The following DOCK3 variants were observed in gnomAD, a reference collection of about 807,000 sequenced individuals.
DOCK3 encodes the protein dedicator of cytokinesis protein 3.
A neutral mutation model predicts 265.6 loss-of-function variants in DOCK3; 60 were observed. That is an observed-to-expected ratio of 0.23 (90% CI 0.18 to 0.28). DOCK3 has a LOEUF of 0.28. Among genes scored for constraint, DOCK3 ranks in the 10% least tolerant of loss-of-function variants. DOCK3 has a pLI of 1.00. For synonymous variants in DOCK3, 881 were observed against 938.0 expected, an observed-to-expected ratio of 0.94 and a Z score of 1.11; for missense variants, 1,981 against 2,594.3, an observed-to-expected ratio of 0.76 and a Z score of 5.14.
At chr3:51,336,247 G>T (rs2084861912) in intron 35 of DOCK3, among the ~76,000 whole-genome samples, 1 of 152,012 alleles carries the variant, frequency 6.6e-6, no homozygotes, top group Non-Finnish European at 1.5e-5. Context: ...ACTTTTGTGT[G>T]AATCTCAGAC....
At chr3:50,738,013 C>G (rs1011631799) in intron 1 of DOCK3, among the ~76,000 whole-genome samples, 3 of 152,110 alleles carry the variant, frequency 2.0e-5, no homozygotes, top group Non-Finnish European at 4.4e-5. Context: ...AAATAGGCAC[C>G]TCTTTCAGTC....
At chr3:50,892,415 C>T (rs2048685360) in intron 4 of DOCK3, among the ~76,000 whole-genome samples, 1 of 151,992 alleles carries the variant, frequency 6.6e-6, no homozygotes, top group South Asian at 2.1e-4. Flanking sequence ...TCGCAGTACT[C>T]CAGAGGAGCA....
chr3:51,165,197 G>C (rs192169791), intron 12 of DOCK3, among the ~76,000 whole-genome samples: 35 of 152,226 alleles, frequency 2.3e-4, no homozygotes, highest in Non-Finnish European at 2.2e-4. Context: ...AAAGTGATGG[G>C]GTTACAGGCG....
intron 5 of DOCK3, among the ~76,000 whole-genome samples, chr3:50,994,523 G>C (rs951932913): frequency 1.1e-4 from 16 of 152,186 alleles, no homozygotes; most frequent in African/African-American, 3.9e-4. Context: ...CATTAGTTGT[G>C]TTAACTAAGA....
At chr3:50,804,491 C>T (rs1455763014) in intron 2 of DOCK3, among the ~76,000 whole-genome samples, 1 of 152,164 alleles carries the variant, frequency 6.6e-6, no homozygotes, top group Admixed American at 6.5e-5. Flanking sequence ...AATCCCGGTA[C>T]CTTGGGAGGC....
intron 5 of DOCK3, among the ~76,000 whole-genome samples, chr3:51,016,653 T>TTATATATCATATAATATATA (rs1224135334): frequency 1.2e-5 from 1 of 83,820 alleles, no homozygotes; most frequent in African/African-American, 6.4e-5. Flanking sequence ...ATTTATATGT[T>TTATATATCATATAATATATA]TATATATATT....
At chr3:51,164,445 A>AC (rs2086283001) in intron 12 of DOCK3, among the ~76,000 whole-genome samples, 1 of 151,898 alleles carries the variant, frequency 6.6e-6, no homozygotes, top group South Asian at 2.1e-4. Context: ...ACACGGTGAA[A>AC]CCCCGTCTCT....
At chr3:51,053,078 G>GATAGATATATATATATAT (rs1345393303) in intron 5 of DOCK3, among the ~76,000 whole-genome samples, 3 of 43,806 alleles carry the variant, frequency 6.8e-5, no homozygotes, top group Admixed American at 2.5e-4. Flanking sequence ...AAAAGTCAAA[G>GATAGATATATATATATAT]ATATATATAT....
chr3:51,081,364 A>G (rs1331653980), intron 7 of DOCK3, among the ~76,000 whole-genome samples: 3 of 152,208 alleles, frequency 2.0e-5, no homozygotes, highest in Non-Finnish European at 4.4e-5. Context: ...TAAATTCACC[A>G]TTATTCCTGG....
In DOCK3 at chr3:50,862,115, G is replaced by T. The variant is rs970657510; in HGVS notation, c.162+20400G>T. On this transcript the variant is annotated intron_variant, in intron 3 of 52. Transcript: ENST00000266037. Reference sequence around the variant, plus strand: ...GAGCATTTCTTGCGAGATTGATTTGGTGGTGATTATTTCTTTTAGCAGTTG... The same window carrying T: ...GAGCATTTCTTGCGAGATTGATTTGTTGGTGATTATTTCTTTTAGCAGTTG... Among the ~76,000 whole-genome samples the T allele has an allele frequency of 4.2e-4, 64 of 152,108 alleles. 1 individual carries two copies. Among genetic ancestry groups the T allele is most frequent in the Admixed American group, 3.3e-3 (51 of 15,264 alleles).
intron 21 of DOCK3, 121 bp from the exon 22 acceptor site, chr3:51,246,605 A>T: frequency 1.2e-6 from 1 of 862,074 alleles, no homozygotes; most frequent in South Asian, 1.6e-5. Context: ...TGGATCTATC[A>T]CTCCTTTCTA....
At chr3:51,310,472 A>G in intron 28 of DOCK3, 146 bp downstream of exon 28, 2 of 717,084 alleles carry the variant, frequency 2.8e-6, no homozygotes, top group Non-Finnish European at 4.6e-6. Flanking sequence ...TGAGAAAAAC[A>G]TTTTTGTGCT....
intron 1 of DOCK3, among the ~76,000 whole-genome samples, chr3:50,691,441 A>G (rs1262250381): frequency 6.6e-6 from 1 of 152,118 alleles, no homozygotes; most frequent in African/African-American, 2.4e-5. Flanking sequence ...TGGGTATACC[A>G]CATTTTGTTT....
At chr3:50,854,723 T>A (rs2046506782) in intron 3 of DOCK3, among the ~76,000 whole-genome samples, 1 of 151,016 alleles carries the variant, frequency 6.6e-6, no homozygotes, top group African/African-American at 2.4e-5. Flanking sequence ...GTCACTGTGC[T>A]GGGCTTTTCC....
intron 12 of DOCK3, among the ~76,000 whole-genome samples, chr3:51,185,536 GCTTT>G (rs1220768264): frequency 6.6e-6 from 1 of 152,170 alleles, no homozygotes; most frequent in Non-Finnish European, 1.5e-5. Context: ...TTGAGGCTTT[GCTTT>G]CTTGTTCTAA....
At chr3:51,280,686 A>G (rs1341726646) in intron 27 of DOCK3, among the ~76,000 whole-genome samples, 2 of 152,200 alleles carry the variant, frequency 1.3e-5, no homozygotes, top group Non-Finnish European at 2.9e-5. Flanking sequence ...GGTCTGGAGC[A>G]CTGAGGGTCT....
intron 9 of DOCK3, among the ~76,000 whole-genome samples, chr3:51,142,139 G>A (rs2085094533): frequency 6.6e-6 from 1 of 151,746 alleles, no homozygotes; most frequent in Admixed American, 6.6e-5. Context: ...ATTTTCCTTT[G>A]CCAGTTATAT....
intron 4 of DOCK3, among the ~76,000 whole-genome samples, chr3:50,894,638 A>G (rs2048807581): frequency 6.6e-6 from 1 of 152,190 alleles, no homozygotes; most frequent in African/African-American, 2.4e-5. Flanking sequence ...AGTATTAAGA[A>G]TAACTATAAC....
At position 51,053,382 on chromosome 3, in the gene DOCK3, C is replaced by T. The variant is rs577752618; in HGVS notation, c.316-11066C>T. ...GAATGCTCTTGTCCCTACATACATA[C>T]TTTTCCCTTCCCCTTTCAATACTTC... is the stretch of plus-strand genomic sequence containing the variant. On this transcript the variant is annotated intron_variant, in intron 5 of 52. Transcript: ENST00000266037. Among the ~76,000 whole-genome samples the T allele has an allele frequency of 6.6e-5, 10 of 151,048 alleles. No individual in the cohort carries two copies. The South Asian group carries it at 1.7e-3, about 25-fold the overall frequency.
Sources: allele counts gnomAD v4.1 joint callset (sites outside exome capture counted in the v4.1 genomes callset), GRCh38; gene constraint gnomAD v4.1.1; transcripts MANE v1.5; gene names NCBI Gene and HGNC (gene_info 2026-07-23, HGNC 2026-07-21).